Variants in SYMPK observed in about 807,000 individuals in gnomAD.
The protein encoded by SYMPK is symplekin scaffold protein.
In SYMPK, 49 loss-of-function variants were observed where a neutral mutation model predicts 136.4. The ratio of observed to expected loss-of-function variants is 0.36; its 90% CI spans 0.29 to 0.46. The LOEUF is 0.46. SYMPK is among the 20% of genes least tolerant of loss of function. The pLI is 1.00. For missense variants in SYMPK, 1,365 were observed against 1,690.0 expected (o/e 0.81, Z 3.37); for synonymous variants, 766 against 713.0 (o/e 1.07, Z -1.19).
intron 11 of SYMPK, among the ~76,000 whole-genome samples, chr19:45,834,815 G>A (rs1399046208): frequency 6.6e-6 from 1 of 152,220 alleles, no homozygotes; most frequent in Non-Finnish European, 1.5e-5. Flanking sequence ...GAAGCTCAGA[G>A]AGGTTAACTA....
chr19:45,853,469 C>T (rs1346229801), intron 3 of SYMPK, among the ~76,000 whole-genome samples: 2 of 152,134 alleles, frequency 1.3e-5, no homozygotes, highest in Non-Finnish European at 2.9e-5. Context: ...TGAAACGCGT[C>T]TCTACTAAAA....
At chr19:45,849,901 C>T (rs1568624229) in intron 5 of SYMPK, among the ~76,000 whole-genome samples, 7 of 152,014 alleles carry the variant, frequency 4.6e-5, no homozygotes, top group East Asian at 3.9e-4. Context: ...CAAAATTGGC[C>T]GGGCATGGTG....
chr19:45,849,081 C>T (rs564220745), intron 5 of SYMPK, among the ~76,000 whole-genome samples: 1 of 152,298 alleles, frequency 6.6e-6, no homozygotes, highest in East Asian at 1.9e-4. Context: ...ACACCAACTC[C>T]TTTGCTCTCT....
At chr19:45,829,718 T>C (rs1402287579) in intron 13 of SYMPK, among the ~76,000 whole-genome samples, 3 of 152,182 alleles carry the variant, frequency 2.0e-5, no homozygotes. Flanking sequence ...ACCAGGTATA[T>C]TTCTAAAGCT....
intron 11 of SYMPK, among the ~76,000 whole-genome samples, chr19:45,833,109 A>G (rs890948916): frequency 6.6e-6 from 1 of 152,040 alleles, no homozygotes; most frequent in East Asian, 1.9e-4. Flanking sequence ...AGGCTGATGC[A>G]GGAGAATCGC....
chr19:45,818,234 G>C, intron 22 of SYMPK, 88 bp from the exon 23 acceptor site: 1 of 1,344,696 alleles, frequency 7.4e-7, no homozygotes, highest in Non-Finnish European at 1.0e-6. Flanking sequence ...CTGCCCATGT[G>C]AGGGGAAGAC....
chr19:45,838,427 G>C, intron 10 of SYMPK, 34 bp downstream of exon 10: 1 of 1,595,632 alleles, frequency 6.3e-7, no homozygotes, highest in Non-Finnish European at 8.6e-7. Flanking sequence ...CTTCCTTCCT[G>C]CCCAGGGGGA....
At chr19:45,823,961 A>T in intron 18 of SYMPK, 86 bp from the exon 19 acceptor site, 1 of 986,546 alleles carries the variant, frequency 1.0e-6, no homozygotes, top group Non-Finnish European at 1.5e-6. Context: ...CTTGCGGGGC[A>T]TGCTGGCGCC....
intron 10 of SYMPK, among the ~76,000 whole-genome samples, chr19:45,837,392 C>G (rs1255980663): frequency 6.6e-6 from 1 of 151,870 alleles, no homozygotes; most frequent in Non-Finnish European, 1.5e-5. Context: ...CCATGGTGGG[C>G]GGATCACCAG....
intron 23 of SYMPK, chr19:45,817,261 A>G (rs1310218286): frequency 9.7e-6 from 4 of 411,800 alleles, no homozygotes; most frequent in East Asian, 5.3e-5. Flanking sequence ...AGCACCTCTC[A>G]TGACATTCTC....
rs935793946 is a variant in SYMPK at position 45,848,704 on chromosome 19, G to A, written c.426+46C>T. 7 of 1,609,814 alleles carry A rather than the reference G, an allele frequency of 4.3e-6. No homozygotes were observed. The South Asian group carries it at 4.4e-5, about 10-fold the overall frequency. On this transcript the variant is annotated intron_variant, in intron 6 of 26. Transcript: ENST00000245934. ...AACCCCAACATATTAGTTTGTCAAC[G>A]AGACATATCAGGCAGGATGGCCCTG...
intron 20 of SYMPK, 60 bp downstream of exon 20, chr19:45,823,312 T>TGCCCC: frequency 6.5e-7 from 1 of 1,539,636 alleles, no homozygotes; most frequent in East Asian, 2.2e-5. Context: ...CGTGCTGCCC[T>TGCCCC]GCCCCTCCCA....
At chr19:45,852,573 T>C in intron 3 of SYMPK, 38 bp from the exon 4 acceptor site, 2 of 1,612,646 alleles carry the variant, frequency 1.2e-6, no homozygotes, top group South Asian at 1.1e-5. Flanking sequence ...GGAATACCCA[T>C]ATAAAACGAG....
At chr19:45,839,633 A>G (rs1971388721) in intron 9 of SYMPK, among the ~76,000 whole-genome samples, 1 of 152,142 alleles carries the variant, frequency 6.6e-6, no homozygotes, top group Non-Finnish European at 1.5e-5. Flanking sequence ...GATCGAGACC[A>G]TACTGGCTAA....
Position 45,854,260 on chromosome 19 carries a change from C to T in SYMPK, c.106-20G>A, listed in dbSNP as rs570417418. 6.2e-7 allele frequency: 1 copy of T among 1,613,972 alleles called. No individual in the cohort carries two copies. The highest frequency in any genetic ancestry group is 1.7e-5 in the Admixed American group (1 of 60,020). Reference sequence around the variant, plus strand: ...CACCACCTGGAAGGAGGGGGAGTGGCAGGGGATAGTGCCAGCCCAGTCCAG... The same window carrying T: ...CACCACCTGGAAGGAGGGGGAGTGGTAGGGGATAGTGCCAGCCCAGTCCAG... On this transcript the variant is annotated intron_variant, in intron 2 of 26. Transcript: ENST00000245934.
chr19:45,862,973 C>T, intron 1 of SYMPK, 85 bp downstream of exon 1: 1 of 400,334 alleles, frequency 2.5e-6, no homozygotes, highest in Non-Finnish European at 4.4e-6. Context: ...CCTCTCCCCA[C>T]GGCGATGCCC....
Position 45,821,457 on chromosome 19 carries a change from C to G in SYMPK, c.2820G>C (p.Leu940=). ...HGEGNSALSP[L]NPGELLIALH... The stretch of plus-strand genomic sequence containing the variant: ...ATGCGATCAGGAGCTCTCCAGGGTT[C>G]AGCGGGGACAAGGCTGAGTTTCCCT... The change falls in exon 22 of 27, where the codon CTG becomes CTC. Residue 940 remains leucine, a synonymous_variant. Transcript: ENST00000245934. This position sits in a 1 kb window ranked among gnomAD's most constrained non-coding sequence, Gnocchi z 4.4. The G allele has an allele frequency of 6.2e-7, 1 of 1,613,978 alleles. No homozygotes were observed. The highest frequency in any genetic ancestry group is 8.5e-7 in the Non-Finnish European group (1 of 1,179,996).
At chr19:45,857,798 CTTT>C (rs545837447) in intron 1 of SYMPK, among the ~76,000 whole-genome samples, 13 of 131,594 alleles carry the variant, frequency 9.9e-5, no homozygotes, top group African/African-American at 2.3e-4. Context: ...GCCGAAAATA[CTTT>C]TTTTTTTTTT....
intron 23 of SYMPK, 24 bp from the exon 24 acceptor site, chr19:45,816,998 G>A (rs1970759489): frequency 3.9e-6 from 6 of 1,550,280 alleles, no homozygotes; most frequent in African/African-American, 2.7e-5. Context: ...GGAGGGAGCC[G>A]TCGGGAGAGG....
Sources: allele counts gnomAD v4.1 joint callset (sites outside exome capture counted in the v4.1 genomes callset), GRCh38; gene constraint gnomAD v4.1.1; non-coding constraint Gnocchi (gnomAD v3.1); transcripts MANE v1.5; gene names NCBI Gene and HGNC (gene_info 2026-07-23, HGNC 2026-07-21).